Variants in IP6K2 observed in about 807,000 individuals in gnomAD.
IP6K2 encodes inositol hexakisphosphate kinase 2.
A neutral mutation model predicts 43.3 loss-of-function variants in IP6K2; 9 were observed. That is an observed-to-expected ratio of 0.21 (90% CI 0.13 to 0.36). The LOEUF (loss-of-function observed/expected upper bound fraction) is 0.36. Among genes scored for constraint, IP6K2 ranks in the 10% least tolerant of loss-of-function variants. The pLI, the probability that IP6K2 is intolerant of heterozygous loss-of-function variation, is 1.00. For missense variants in IP6K2, 332 were observed against 538.4 expected (o/e 0.62, Z 3.79); for synonymous variants, 209 against 202.4 (o/e 1.03, Z -0.28).
chr3:48,706,063 CGTGCATG>C (rs11272413), intron 1 of IP6K2, among the ~76,000 whole-genome samples: 97,086 of 151,398 alleles, frequency 0.64, 31,913 homozygotes, highest in East Asian at 0.96. Context: ...AAAAATTAGC[CGTGCATG>C]GTGGTGGGCG....
chr3:48,708,216 G>C (rs1009743236), intron 1 of IP6K2: 1 of 152,046 alleles, frequency 6.6e-6, no homozygotes, highest in Admixed American at 6.6e-5. Context: ...CTGTACTCCA[G>C]CCTGGGTGAC....
At chr3:48,696,051 A>C (rs1424929636) in intron 1 of IP6K2, among the ~76,000 whole-genome samples, 4 of 151,372 alleles carry the variant, frequency 2.6e-5, no homozygotes, top group African/African-American at 9.7e-5. Flanking sequence ...ACACCCAGCT[A>C]ATTTTTGTAT....
chr3:48,690,456 T>C (rs1483899008), intron 4 of IP6K2, among the ~76,000 whole-genome samples: 1 of 149,494 alleles, frequency 6.7e-6, no homozygotes, highest in African/African-American at 2.5e-5. Flanking sequence ...GGCAACACAG[T>C]GAGACCTTAC....
chr3:48,704,505 A>C (rs2079463649), intron 1 of IP6K2, among the ~76,000 whole-genome samples: 1 of 149,090 alleles, frequency 6.7e-6, no homozygotes. Flanking sequence ...CAGGGTCTCC[A>C]TTGTTAAGGC....
rs1283841818 is a variant in IP6K2 at position 48,689,519 on chromosome 3, G to C, written c.780+19C>G. Reference sequence around the variant, plus strand: ...TGACAGCCACTGGATGCCCTAGCCAGCCCTAGCATCCCCCTCACCTGCATG... The same window carrying C: ...TGACAGCCACTGGATGCCCTAGCCACCCCTAGCATCCCCCTCACCTGCATG... On this transcript the variant is annotated intron_variant, in intron 5 of 5. Coordinates refer to ENST00000328631, the MANE Select transcript of IP6K2 (RefSeq NM_016291.4). 3 of 1,602,110 alleles carry C rather than the reference G, an allele frequency of 1.9e-6. No individual in the cohort carries two copies. Among genetic ancestry groups the C allele is most frequent in the Non-Finnish European group, 2.6e-6 (3 of 1,174,994 alleles).
At chr3:48,693,529 T>C (rs892717412) in intron 2 of IP6K2, 2 of 1,218,702 alleles carry the variant, frequency 1.6e-6, no homozygotes, top group Non-Finnish European at 2.1e-6. Flanking sequence ...TCTTTATAGT[T>C]TGCGGGAATT....
At chr3:48,709,836 C>CAA (rs1212158300) in intron 1 of IP6K2, among the ~76,000 whole-genome samples, 1 of 122,200 alleles carries the variant, frequency 8.2e-6, no homozygotes. Flanking sequence ...GACTCCATCT[C>CAA]AAAAAAAAAA....
intron 1 of IP6K2, among the ~76,000 whole-genome samples, chr3:48,704,506 T>C (rs898978815): frequency 1.3e-5 from 2 of 151,470 alleles, no homozygotes; most frequent in African/African-American, 4.9e-5. Context: ...AGGGTCTCCA[T>C]TGTTAAGGCT....
intron 2 of IP6K2, chr3:48,694,719 T>C: frequency 6.6e-7 from 1 of 1,507,520 alleles, no homozygotes; most frequent in Non-Finnish European, 8.8e-7. Flanking sequence ...TCTGGTTTCC[T>C]GGAGGACAAA....
At position 48,695,500 on chromosome 3, in the gene IP6K2, A is replaced by G; in HGVS notation, c.-130-79T>C. ...TTAGAGCTGCTCACCCTGCTCCTTC[A>G]GCAGAAAGACAAAGACAAACAGTCT... On this transcript the variant is annotated intron_variant, in intron 1 of 5. Coordinates refer to ENST00000328631, the MANE Select transcript of IP6K2 (RefSeq NM_016291.4). This position sits in a 1 kb window ranked among gnomAD's most constrained non-coding sequence, Gnocchi z 4.6. 1 of 1,303,798 alleles carries G rather than the reference A, an allele frequency of 7.7e-7. No individual in the cohort carries two copies. The highest frequency in any genetic ancestry group is 9.8e-7 in the Non-Finnish European group (1 of 1,024,388). The allele number at this position is 1,303,798 out of a possible 1,614,324, so 80.8% of individuals were successfully genotyped here. A position where few individuals can be genotyped will look rare whatever the true frequency, so the allele number is the denominator to read the frequency against.
intron 1 of IP6K2, chr3:48,715,441 A>T (rs2081085115): frequency 2.6e-6 from 4 of 1,535,996 alleles, no homozygotes; most frequent in Admixed American, 2.0e-5. Context: ...TTCATCAGTC[A>T]GTGGTTGCTC....
intron 4 of IP6K2, among the ~76,000 whole-genome samples, chr3:48,690,484 G>T (rs1463473581): frequency 3.3e-5 from 5 of 152,006 alleles, no homozygotes; most frequent in African/African-American, 1.2e-4. Flanking sequence ...AAGGGGAGGG[G>T]AGGGGAGGGG....
chr3:48,700,415 G>A (rs1036601807), intron 1 of IP6K2, among the ~76,000 whole-genome samples: 1 of 151,714 alleles, frequency 6.6e-6, no homozygotes, highest in African/African-American at 2.4e-5. Context: ...TAATGGTTAC[G>A]ATAAAGCCCA....
At position 48,689,556 on chromosome 3, in the gene IP6K2, C is replaced by T; in HGVS notation, c.762G>A (p.Val254=). 1 of 1,613,512 alleles carries T rather than the reference C, an allele frequency of 6.2e-7. No individual in the cohort carries two copies. The change falls in exon 5 of 6, where the codon GTG becomes GTA. Residue 254 remains valine, a synonymous_variant. Coordinates refer to ENST00000328631, the MANE Select transcript of IP6K2 (RefSeq NM_016291.4). ...CCCTCACCTGCATGCCACACACACG[C>T]ACACCAATGACTGCAGATGTGCTCT... The part of the protein sequence containing the change: ...CQQSTSAVIG[V]RVCGMQVYQA...
At chr3:48,698,249 A>C (rs1031748901) in intron 1 of IP6K2, among the ~76,000 whole-genome samples, 2 of 152,176 alleles carry the variant, frequency 1.3e-5, no homozygotes, top group Non-Finnish European at 1.5e-5. Context: ...ATACCAAAAG[A>C]AGCTACTGAT....
chr3:48,688,437 C>T lies in IP6K2; in HGVS notation c.1117G>A (p.Gly373Ser), dbSNP rs376450910. 13 of 1,614,102 alleles carry T rather than the reference C, an allele frequency of 8.1e-6. No homozygotes were observed. Among genetic ancestry groups the T allele is most frequent in the African/African-American group, 4.0e-5 (3 of 74,930 alleles). Residue 373 changes from glycine (G) to serine (S), a missense_variant, in exon 6 of 6, where the codon GGC becomes AGC. Coordinates refer to ENST00000328631, the MANE Select transcript of IP6K2 (RefSeq NM_016291.4). This position sits in a 1 kb window ranked among gnomAD's most constrained non-coding sequence, Gnocchi z 5.1. Reference sequence around the variant, plus strand: ...ATGCGCACATCTACAGAGCTGGCGCCGATGGGTTTGTAGGCATAGGCACCA... The same window carrying T: ...ATGCGCACATCTACAGAGCTGGCGCTGATGGGTTTGTAGGCATAGGCACCA... ...SAGAYAYKPIGASSVDVRMID... is the reference protein window; with the variant it reads ...SAGAYAYKPISASSVDVRMID...
intron 1 of IP6K2, among the ~76,000 whole-genome samples, chr3:48,697,505 T>G (rs2078525239): frequency 2.1e-5 from 3 of 142,698 alleles, no homozygotes. Context: ...TTTTTTTTTT[T>G]TTTTTTTGTA....
At chr3:48,701,621 G>A (rs1032683437) in intron 1 of IP6K2, among the ~76,000 whole-genome samples, 4 of 150,690 alleles carry the variant, frequency 2.7e-5, no homozygotes, top group Non-Finnish European at 4.4e-5. Context: ...GATCCTGCTG[G>A]GTGCGCTGAC....
intron 1 of IP6K2, among the ~76,000 whole-genome samples, chr3:48,713,960 T>C (rs929650178): frequency 6.6e-6 from 1 of 150,460 alleles, no homozygotes; most frequent in Non-Finnish European, 1.5e-5. Flanking sequence ...CTACTAAAAA[T>C]ACAAAAATTA....
Sources: allele counts gnomAD v4.1 joint callset (sites outside exome capture counted in the v4.1 genomes callset), GRCh38; gene constraint gnomAD v4.1.1; non-coding constraint Gnocchi (gnomAD v3.1); transcripts MANE v1.5; gene names NCBI Gene and HGNC (gene_info 2026-07-23, HGNC 2026-07-21).